The following ITGB7 variants were observed in gnomAD, a reference collection of about 807,000 sequenced individuals.
The protein encoded by ITGB7 is integrin subunit beta 7, also known as integrin beta-7.
In ITGB7, 55 loss-of-function variants were observed where a neutral mutation model predicts 83.4. That is an observed-to-expected ratio of 0.66 (90% CI 0.53 to 0.83). The LOEUF (loss-of-function observed/expected upper bound fraction) is 0.83, where lower values mean the gene tolerates loss of function less well. Ranked by LOEUF, ITGB7 falls within the 40% of genes least tolerant of loss-of-function variation. ITGB7 has a pLI of 0.00. For missense variants in ITGB7, 921 were observed against 1,046.7 expected (o/e 0.88, Z 1.66); for synonymous variants, 454 against 423.6 (o/e 1.07, Z -0.88).
At chr12:53,193,925 C>A in intron 10 of ITGB7, 24 bp from the exon 11 acceptor site, 1 of 1,595,200 alleles carries the variant, frequency 6.3e-7, no homozygotes, top group Non-Finnish European at 8.6e-7. Flanking sequence ...GGAATCAGGC[C>A]ATGGTTATAC....
chr12:53,194,003 TG>T, intron 10 of ITGB7, 102 bp from the exon 11 acceptor site: 2 of 1,335,880 alleles, frequency 1.5e-6, no homozygotes, highest in South Asian at 1.4e-5. Flanking sequence ...AATGAAGGGA[TG>T]GGGTCATGTT....
chr12:53,198,057 A>G, intron 3 of ITGB7, 106 bp from the exon 4 acceptor site: 2 of 780,942 alleles, frequency 2.6e-6, no homozygotes, highest in Non-Finnish European at 4.0e-6. Flanking sequence ...CCCCACCTCC[A>G]GTCCACTCCT....
rs890417805 is a variant in ITGB7, at chr12:53,196,432, C to G, written c.816+147G>C. ...TGCCTCCTCCTCAAGATATTTTACT[C>G]CAACCCACCAGGTAATTGCTAAATA... On this transcript the variant is annotated intron_variant, in intron 6 of 15. Transcript: ENST00000267082. The G allele has an allele frequency of 6.6e-6, 8 of 1,209,310 alleles. No homozygotes were observed. In the African/African-American group the frequency reaches 1.2e-4, roughly 19 times the overall value. The allele number at this position is 1,209,310 out of a possible 1,614,324, so 74.9% of individuals were successfully genotyped here.
rs1239219458 is a variant in ITGB7 at position 53,194,297 on chromosome 12, C to T, written c.1209G>A (p.Gly403=). 2.5e-6 allele frequency: 4 copies of T among 1,613,868 alleles called. No homozygotes were observed. Among genetic ancestry groups the T allele is most frequent in the African/African-American group, 1.3e-5 (1 of 74,850 alleles). The change falls in exon 10 of 16, where the codon GGG becomes GGA. Residue 403 remains glycine (G), a synonymous_variant. Coordinates refer to ENST00000267082, the MANE Select transcript of ITGB7 (RefSeq NM_000889.3). The stretch of plus-strand genomic sequence containing the variant: ...ACTGGGATTCGTAAGAAATGTGGAC[C>T]CCAGGAGGGAGTGAAGAGTGTTCAA... The part of the protein sequence containing the change: ...VTLEHSSLPP[G]VHISYESQCE...
At chr12:53,201,642 CT>C (rs112836940) in intron 1 of ITGB7, among the ~76,000 whole-genome samples, 23,888 of 147,812 alleles carry the variant, frequency 0.16, 2,632 homozygotes, top group African/African-American at 0.32. Context: ...CCCATTGGCC[CT>C]TTTTTTTTTG....
At chr12:53,205,139 G>T (rs887755064) in intron 1 of ITGB7, among the ~76,000 whole-genome samples, 1 of 151,524 alleles carries the variant, frequency 6.6e-6, no homozygotes, top group African/African-American at 2.4e-5. Context: ...ATTGTTTCTA[G>T]TTCCCTATGA....
chr12:53,191,398 C>G lies in ITGB7; in HGVS notation c.*158G>C, dbSNP rs549175733. On this transcript the variant is annotated 3_prime_UTR_variant, in exon 16 of 16. Transcript: ENST00000267082. Reference sequence around the variant, plus strand: ...CAAGGTTGCAGGCATGGGAAGCAGCCCTCTTGGGTGTCACTCTGAAAATGA... The same window carrying G: ...CAAGGTTGCAGGCATGGGAAGCAGCGCTCTTGGGTGTCACTCTGAAAATGA... 4.9e-4 allele frequency: 322 copies of G among 663,638 alleles called. 3 individuals are homozygous for G. In the African/African-American group the frequency reaches 5.3e-3, roughly 11 times the overall value. The allele number at this position is 663,638 out of a possible 1,614,324, so 41.1% of individuals were successfully genotyped here. A position where few individuals can be genotyped will look rare whatever the true frequency, so the allele number is the denominator to read the frequency against.
rs779123637 is a variant in ITGB7, at chr12:53,193,233, A to G, written c.1633T>C (p.Cys545Arg). 3.1e-6 allele frequency: 5 copies of G among 1,613,948 alleles called. No homozygotes were observed. Among genetic ancestry groups the G allele is most frequent in the African/African-American group, 1.3e-5 (1 of 74,876 alleles). Residue 545 changes from cysteine to arginine, a missense_variant, in exon 12 of 16, where the codon TGT (cysteine) becomes CGT (arginine). By Grantham distance (180) the Cys-to-Arg change is radical. Coordinates refer to ENST00000267082, the MANE Select transcript of ITGB7 (RefSeq NM_000889.3). ...PLCSGKGHCQ[C>R]GRCSCSGQSS... ...TGTCCACTGCAGCTGCAGCGTCCAC[A>G]TTGACAGTGACCCTTTCCACTGCAC...
chr12:53,192,256 CT>C, intron 14 of ITGB7, 73 bp downstream of exon 14: 1 of 1,488,722 alleles, frequency 6.7e-7, no homozygotes. Flanking sequence ...TTCCCATTAT[CT>C]TCACTCTGCA....
chr12:53,201,995 C>T (rs535557555), intron 1 of ITGB7, among the ~76,000 whole-genome samples: 1 of 152,316 alleles, frequency 6.6e-6, no homozygotes, highest in East Asian at 1.9e-4. Flanking sequence ...CAGAAATAAA[C>T]TATGCTTCTG....
intron 13 of ITGB7, 32 bp from the exon 14 acceptor site, chr12:53,192,570 G>T (rs774778146): frequency 1.2e-6 from 2 of 1,608,568 alleles, no homozygotes; most frequent in Non-Finnish European, 1.7e-6. Flanking sequence ...GTTACCAGCT[G>T]GGCAGTTGTC....
intron 14 of ITGB7, 81 bp downstream of exon 14, chr12:53,192,249 C>A: frequency 1.4e-6 from 2 of 1,454,314 alleles, no homozygotes; most frequent in South Asian, 2.3e-5. Context: ...AGCCTGTTTC[C>A]CATTATCTTC....
chr12:53,193,288 C>T lies in ITGB7; in HGVS notation c.1578G>A (p.Gly526=). ...GCCCTGTGCCATTGGGAGCCCGGCA[C>T]CCAGATTCCAGGTCTGGGGAGGACA... The part of the protein sequence containing the change: ...AELSSPDLES[G]CRAPNGTGPL... The change falls in exon 12 of 16, where the codon GGG becomes GGA. Residue 526 remains glycine (G), a synonymous_variant. Transcript: ENST00000267082. 3 of 1,613,008 alleles carry T rather than the reference C, an allele frequency of 1.9e-6. No homozygotes were observed. Among genetic ancestry groups the T allele is most frequent in the Non-Finnish European group, 2.5e-6 (3 of 1,179,170 alleles).
intron 6 of ITGB7, 73 bp downstream of exon 6, chr12:53,196,506 A>C: frequency 6.5e-7 from 1 of 1,536,714 alleles, no homozygotes; most frequent in South Asian, 1.2e-5. Flanking sequence ...AGAACTGTGC[A>C]CTACACAACC....
intron 10 of ITGB7, 127 bp from the exon 11 acceptor site, chr12:53,194,028 T>C: frequency 7.7e-7 from 1 of 1,305,784 alleles, no homozygotes; most frequent in Non-Finnish European, 1.1e-6. Flanking sequence ...ACCCAACTCC[T>C]AGAAACATGC....
chr12:53,193,965 C>T, intron 10 of ITGB7, 64 bp from the exon 11 acceptor site: 1 of 1,467,442 alleles, frequency 6.8e-7, no homozygotes, highest in South Asian at 1.3e-5. Context: ...CCAAACTCAC[C>T]AATCATCCAG....
rs775602392 is a variant in ITGB7, at chr12:53,196,564, G to A, written c.816+15C>T. ...AACAGACCTCCAGGCTCAGATCCCC[G>A]CCCCACCTCCTCACCTGGCAGAGTG... On this transcript the variant is annotated intron_variant, in intron 6 of 15. Coordinates refer to ENST00000267082, the MANE Select transcript of ITGB7 (RefSeq NM_000889.3). 10 of 1,599,902 alleles carry A rather than the reference G, an allele frequency of 6.3e-6. No individual in the cohort carries two copies. The highest frequency in any genetic ancestry group is 1.1e-5 in the South Asian group (1 of 90,006).
In ITGB7 at chr12:53,196,737, G is replaced by A; in HGVS notation, c.658C>T (p.Leu220=). Residue 220 remains leucine (L), a synonymous_variant, in exon 6 of 16, where the codon CTG becomes TTG. Transcript: ENST00000267082. ...CTGAATGGTGACTGGCAGCGCTCCA[G>A]CCGGGTGGGGCAGGGGTGGCGCAGT... ...SKLRHPCPTR[L]ERCQSPFSFH... is the part of the protein sequence containing the mutation. 6.2e-7 allele frequency: 1 copy of A among 1,613,676 alleles called. No individual in the cohort carries two copies. The highest frequency in any genetic ancestry group is 8.5e-7 in the Non-Finnish European group (1 of 1,179,738).
At chr12:53,196,510 C>T (rs1490705501) in intron 6 of ITGB7, 69 bp downstream of exon 6, 22 of 1,548,050 alleles carry the variant, frequency 1.4e-5, no homozygotes, top group Non-Finnish European at 1.9e-5. Flanking sequence ...CTGTGCACTA[C>T]ACAACCATAA....
Sources: allele counts gnomAD v4.1 joint callset (sites outside exome capture counted in the v4.1 genomes callset), GRCh38; gene constraint gnomAD v4.1.1; transcripts MANE v1.5; gene names NCBI Gene and HGNC (gene_info 2026-07-23, HGNC 2026-07-21).